Variants in PLXNA2 observed in about 807,000 individuals in gnomAD.
PLXNA2 encodes the protein plexin A2.
In PLXNA2, 91 loss-of-function variants were observed where a neutral mutation model predicts 193.5. That is an observed-to-expected ratio of 0.47 (90% confidence interval 0.40 to 0.56). PLXNA2 has a LOEUF of 0.56. Among genes scored for constraint, PLXNA2 ranks in the 20% least tolerant of loss-of-function variants. The pLI is 0.00. For missense variants in PLXNA2, 1,995 were observed against 2,503.2 expected (o/e 0.80, Z 4.33); for synonymous variants, 997 against 1,027.3 (o/e 0.97, Z 0.56).
intron 12 of PLXNA2, among the ~76,000 whole-genome samples, chr1:208,078,685 T>A (rs1205711384): frequency 1.3e-5 from 2 of 152,212 alleles, no homozygotes; most frequent in African/African-American, 4.8e-5. Context: ...CCACATCATC[T>A]TCCTTTGGAA....
In PLXNA2 at chr1:208,026,068, T is replaced by A. The variant is rs1436749064; in HGVS notation, c.*1175A>T. 6.5e-6 allele frequency: 1 copy of A among 152,672 alleles called. No homozygotes were observed. Among genetic ancestry groups the A allele is most frequent in the African/African-American group, 2.4e-5 (1 of 41,470 alleles). 9.5% of individuals were successfully genotyped at this position (152,672 alleles called of 1,614,324 possible). A position where few individuals can be genotyped will look rare whatever the true frequency, so the allele number is the denominator to read the frequency against. ...GTAACCTATGCTCTTCAAGTATTGC[T>A]TGCTGTAAACAGTGTTTGATTTTTG... On this transcript the variant is annotated 3_prime_UTR_variant, in exon 32 of 32. Coordinates refer to ENST00000367033, the MANE Select transcript of PLXNA2 (RefSeq NM_025179.4).
At chr1:208,185,998 T>C (rs990179794) in intron 3 of PLXNA2, among the ~76,000 whole-genome samples, 1 of 152,106 alleles carries the variant, frequency 6.6e-6, no homozygotes, top group Admixed American at 6.5e-5. Context: ...ACTCCTTGCA[T>C]AAACAGAAGA....
rs1336953413 is a variant in PLXNA2 at position 208,183,603 on chromosome 1, GGA to G, written c.1371+26675_1371+26676del. Among the ~76,000 whole-genome samples, 86 of 131,844 alleles carry G rather than the reference GGA, an allele frequency of 6.5e-4. No homozygotes were observed. In the Middle Eastern group the frequency reaches 0.011, roughly 17 times the overall value. The allele number at this position is 131,844 out of a possible 152,430, so 86.5% of individuals were successfully genotyped here. On this transcript the variant is annotated intron_variant, in intron 3 of 31. Coordinates refer to ENST00000367033, the MANE Select transcript of PLXNA2 (RefSeq NM_025179.4). The stretch of plus-strand genomic sequence containing the variant: ...GAAGCCAGAGCCAGGTGCCAGAGAG[GGA>G]GAGGGGGGGGTCTTTGGGGGTGGGG...
At chr1:208,199,457 C>A (rs1670467545) in intron 3 of PLXNA2, among the ~76,000 whole-genome samples, 2 of 152,182 alleles carry the variant, frequency 1.3e-5, no homozygotes, top group Admixed American at 6.5e-5. Context: ...CTTTGGGGGG[C>A]CAAGGTGGGT....
chr1:208,242,623 T>A (rs1672096038), intron 1 of PLXNA2, among the ~76,000 whole-genome samples: 1 of 152,226 alleles, frequency 6.6e-6, no homozygotes, highest in Admixed American at 6.5e-5. Flanking sequence ...TTCTAGACCC[T>A]TACTGACCTA....
chr1:208,232,972 A>G (rs1240541881), intron 1 of PLXNA2, among the ~76,000 whole-genome samples: 2 of 152,200 alleles, frequency 1.3e-5, no homozygotes, highest in Admixed American at 1.3e-4. Flanking sequence ...GACCTCAGCT[A>G]TCAGCTACGA....
At chr1:208,122,264 T>C (rs1343448290) in intron 4 of PLXNA2, among the ~76,000 whole-genome samples, 1 of 152,220 alleles carries the variant, frequency 6.6e-6, no homozygotes, top group Non-Finnish European at 1.5e-5. Context: ...ACTTCTATTA[T>C]AATTCATCAA....
chr1:208,140,938 T>G (rs1297639764), intron 4 of PLXNA2, among the ~76,000 whole-genome samples: 2 of 152,200 alleles, frequency 1.3e-5, no homozygotes, highest in Non-Finnish European at 2.9e-5. Flanking sequence ...CCAGGAATAG[T>G]TCTTTTTAGG....
At chr1:208,045,830 C>G (rs1665044335) in intron 18 of PLXNA2, 48 bp downstream of exon 18, 9 of 1,607,100 alleles carry the variant, frequency 5.6e-6, no homozygotes, top group Non-Finnish European at 7.7e-6. Context: ...GGGGCGCCCT[C>G]TGGCATTGCT....
intron 1 of PLXNA2, among the ~76,000 whole-genome samples, chr1:208,232,643 G>T (rs1007649870): frequency 6.6e-6 from 1 of 152,224 alleles, no homozygotes; most frequent in African/African-American, 2.4e-5. Flanking sequence ...AGAAGTTAGA[G>T]CTGTGCAAGC....
intron 4 of PLXNA2, among the ~76,000 whole-genome samples, chr1:208,120,358 A>G (rs1425299465): frequency 6.6e-6 from 1 of 152,186 alleles, no homozygotes; most frequent in African/African-American, 2.4e-5. Context: ...GTGGGGTGGG[A>G]TTAATCAGAG....
intron 2 of PLXNA2, 137 bp downstream of exon 2, chr1:208,216,598 C>T (rs189331989): frequency 2.1e-6 from 2 of 951,956 alleles, no homozygotes; most frequent in Admixed American, 5.6e-5. Context: ...TTGGTTACCA[C>T]CTGATAACCT....
intron 1 of PLXNA2, among the ~76,000 whole-genome samples, chr1:208,227,105 C>T (rs1268940806): frequency 6.6e-6 from 1 of 152,132 alleles, no homozygotes; most frequent in East Asian, 1.9e-4. Context: ...AGGCTCCTTC[C>T]AAAGGCAGGA....
chr1:208,106,281 A>G (rs1328721545), intron 4 of PLXNA2, among the ~76,000 whole-genome samples: 2 of 152,026 alleles, frequency 1.3e-5, no homozygotes, highest in South Asian at 2.1e-4. Context: ...TGTCTCTTAT[A>G]TTCATGTGCT....
intron 3 of PLXNA2, among the ~76,000 whole-genome samples, chr1:208,198,079 G>T (rs773151723): frequency 1.1e-4 from 16 of 152,092 alleles, no homozygotes; most frequent in Non-Finnish European, 1.9e-4. Context: ...TAATTATATG[G>T]CTGCAAATTT....
At chr1:208,055,877 A>C (rs1400810464) in intron 13 of PLXNA2, among the ~76,000 whole-genome samples, 3 of 152,244 alleles carry the variant, frequency 2.0e-5, no homozygotes. Flanking sequence ...CTTAACATGC[A>C]ATAACTGTCT....
intron 3 of PLXNA2, among the ~76,000 whole-genome samples, chr1:208,208,029 AG>A (rs989806864): frequency 3.9e-5 from 6 of 152,264 alleles, no homozygotes; most frequent in Non-Finnish European, 8.8e-5. Flanking sequence ...TAAGGCCAGG[AG>A]AACTTGGCCA....
At chr1:208,203,307 C>T (rs926717446) in intron 3 of PLXNA2, among the ~76,000 whole-genome samples, 8 of 152,148 alleles carry the variant, frequency 5.3e-5, no homozygotes, top group African/African-American at 1.9e-4. Context: ...CACCCCACCC[C>T]TTCCATGCAG....
At chr1:208,119,242 G>A (rs2102445938) in intron 4 of PLXNA2, among the ~76,000 whole-genome samples, 1 of 152,302 alleles carries the variant, frequency 6.6e-6, no homozygotes, top group South Asian at 2.1e-4. Flanking sequence ...GGGGTTGGAG[G>A]TCTCCAGGAA....
Sources: gnomAD v4.1 joint callset for allele counts (sites outside exome capture counted in the v4.1 genomes callset) on GRCh38, gnomAD v4.1.1 for gene constraint, MANE v1.5 for transcripts, NCBI Gene and HGNC (gene_info 2026-07-23, HGNC 2026-07-21) for gene names.